C5orf63: variants seen among roughly 807,000 people sequenced by gnomAD.
C5orf63 encodes glutaredoxin-like protein C5orf63.
A neutral mutation model predicts 13.3 loss-of-function variants in C5orf63; 18 were observed. The ratio of observed to expected loss-of-function variants is 1.36; its 90% CI spans 0.94 to 2.01. C5orf63 has a LOEUF of 2.01. Ranked by LOEUF, C5orf63 falls within the 30% of genes most tolerant of loss-of-function variation. The probability of loss-of-function intolerance (pLI) is 0.00; values close to 1 mark genes in which losing one functional copy is unlikely to be tolerated. For synonymous variants in C5orf63, 38 were observed against 44.7 expected, an observed-to-expected ratio of 0.85 and a Z score of 0.60; for missense variants, 118 against 127.7, an observed-to-expected ratio of 0.92 and a Z score of 0.36.
At chr5:127,047,020 T>G (rs1753534841), downstream of C5orf63, 1 of 152,244 alleles carries the variant, frequency 6.6e-6, no homozygotes. Context: ...ATGAGATTGC[T>G]GCATTATTTA....
In C5orf63 at chr5:127,056,331, A is replaced by C. The variant is rs182923507; in HGVS notation, c.114+2551T>G. The C allele has an allele frequency of 6.6e-5, 10 of 152,474 alleles. No homozygotes were observed. The East Asian group carries it at 1.9e-3, about 29-fold the overall frequency. The allele number at this position is 152,474 out of a possible 1,614,324, so 9.4% of individuals were successfully genotyped here. On this transcript the variant is annotated intron_variant, in intron 3 of 4. Transcript: ENST00000296662. ...ATCCATGATGAATTAGTCCGTTTTC[A>C]TGCTGCTGATAAATATATACCCAAG... is the stretch of plus-strand genomic sequence containing the variant.
chr5:127,054,753 A>T (rs1269247750), intron 3 of C5orf63, among the ~76,000 whole-genome samples: 3 of 152,172 alleles, frequency 2.0e-5, no homozygotes, highest in East Asian at 1.9e-4. Flanking sequence ...AGATCCAGTT[A>T]GCCTATTTTG....
chr5:127,060,031 G>T (rs553301805), intron 2 of C5orf63, among the ~76,000 whole-genome samples: 1 of 151,882 alleles, frequency 6.6e-6, no homozygotes, highest in African/African-American at 2.4e-5. Flanking sequence ...CCAGCTACTC[G>T]GGAGGCTGAG....
At chr5:127,061,570 T>C (rs2126893027) in intron 2 of C5orf63, among the ~76,000 whole-genome samples, 1 of 152,354 alleles carries the variant, frequency 6.6e-6, no homozygotes, top group African/African-American at 2.4e-5. Flanking sequence ...TTTCATAACA[T>C]TCTGTGCTAC....
downstream of C5orf63, among the ~76,000 whole-genome samples, chr5:127,049,601 A>G (rs1753607849): frequency 6.6e-6 from 1 of 152,222 alleles, no homozygotes; most frequent in South Asian, 2.1e-4. Context: ...TCTCAAAGAC[A>G]AGGACTATGA....
chr5:127,047,692 CA>C, downstream of C5orf63: 1 of 703,586 alleles, frequency 1.4e-6, no homozygotes. Flanking sequence ...ATAAAAACAA[CA>C]GGTCATATCA....
At chr5:127,057,264 T>C (rs941259341) in intron 3 of C5orf63, among the ~76,000 whole-genome samples, 2 of 152,186 alleles carry the variant, frequency 1.3e-5, no homozygotes, top group African/African-American at 4.8e-5. Context: ...AACTTTGTTA[T>C]TAAATAACTG....
At position 127,051,356 on chromosome 5, in the gene C5orf63, T is replaced by C; in HGVS notation, c.*415A>G. The C allele has an allele frequency of 8.1e-7, 1 of 1,231,842 alleles. No homozygotes were observed. The highest frequency in any genetic ancestry group is 1.0e-6 in the Non-Finnish European group (1 of 987,994). 76.3% of individuals were successfully genotyped at this position (1,231,842 alleles called of 1,614,324 possible). A position where few individuals can be genotyped will look rare whatever the true frequency, so the allele number is the denominator to read the frequency against. On this transcript the variant is annotated 3_prime_UTR_variant, in exon 5 of 5. Coordinates refer to ENST00000296662, the MANE Select transcript of C5orf63 (RefSeq NM_001164478.2). The stretch of plus-strand genomic sequence containing the variant: ...CGTGCACAGTTATTAACAATTCACA[T>C]TTCACTTTATCTACTGAGTGGAAGA...
chr5:127,052,048 C>T (rs1753696932), intron 4 of C5orf63, 101 bp from the exon 5 acceptor site: 2 of 986,660 alleles, frequency 2.0e-6, no homozygotes, highest in African/African-American at 3.3e-5. Context: ...TGCCATTTTC[C>T]TTATAGTTGT....
chr5:127,071,408 C>A (rs573812185), intron 2 of C5orf63, among the ~76,000 whole-genome samples, 176 bp downstream of exon 2: 1 of 152,242 alleles, frequency 6.6e-6, no homozygotes, highest in East Asian at 1.9e-4. Context: ...TCCTGTTCTC[C>A]GTGGCTGTAC....
In C5orf63 at chr5:127,052,662, C is replaced by A; in HGVS notation, c.122G>T (p.Cys41Phe). Residue 41 changes from cysteine to phenylalanine, a missense_variant, in exon 4 of 5, where the codon TGC (cysteine) becomes TTC (phenylalanine). Coordinates refer to ENST00000296662, the MANE Select transcript of C5orf63 (RefSeq NM_001164478.2). ...PVLTLFTKDP[C>F]PLCDEAKEVL... ...TTCCTTGGCTTCATCACAAAGGGGGCATGGGTCCTACAGGAAGAAAAAAAA... is the reference window on the plus strand; with the variant it reads ...TTCCTTGGCTTCATCACAAAGGGGGAATGGGTCCTACAGGAAGAAAAAAAA... The A allele has an allele frequency of 6.6e-7, 1 of 1,506,872 alleles. No individual in the cohort carries two copies. The highest frequency in any genetic ancestry group is 2.3e-5 in the Admixed American group (1 of 43,432). The allele number at this position is 1,506,872 out of a possible 1,614,324, so 93.3% of individuals were successfully genotyped here.
intron 1 of C5orf63, among the ~76,000 whole-genome samples, chr5:127,072,359 C>T (rs953699692): frequency 3.3e-5 from 5 of 152,162 alleles, no homozygotes; most frequent in Non-Finnish European, 7.3e-5. Flanking sequence ...TAATGCACCC[C>T]AATGTATACA....
At position 127,051,857 on chromosome 5, in the gene C5orf63, C is replaced by T; in HGVS notation, c.262G>A (p.Gly88Ser). 6.5e-7 allele frequency: 1 copy of T among 1,535,764 alleles called. No individual in the cohort carries two copies. Among genetic ancestry groups the T allele is most frequent in the Non-Finnish European group, 8.7e-7 (1 of 1,146,174 alleles). ...KFDIPVFHLN[G>S]QFLMMHRVNT... is the part of the protein sequence containing the mutation. Reference sequence around the variant, plus strand: ...ACTCGATGCATCATCAGAAACTGGCCATTCAAGTGAAAGACAGGAATATCA... The same window carrying T: ...ACTCGATGCATCATCAGAAACTGGCTATTCAAGTGAAAGACAGGAATATCA... Residue 88 changes from glycine (G) to serine (S), a missense_variant, in exon 5 of 5, where the codon GGC becomes AGC. Gly to Ser is a moderately conservative substitution (Grantham distance 56, BLOSUM62 0). Transcript: ENST00000296662.
At chr5:127,049,134 T>C (rs9918190), downstream of C5orf63, among the ~76,000 whole-genome samples, 5,331 of 152,032 alleles carry the variant, frequency 0.035, 284 homozygotes, top group African/African-American at 0.12. Flanking sequence ...CAGGCTGGGG[T>C]AGGGAGGCCA....
downstream of C5orf63, among the ~76,000 whole-genome samples, chr5:127,048,246 GACACACACACACACACACACAC>G (rs71822352): frequency 1.5e-5 from 2 of 134,684 alleles, no homozygotes; most frequent in African/African-American, 2.8e-5. Context: ...GGTCCATGAG[GACACACACACACACACACACAC>G]ACACACACAC....
At chr5:127,043,034 G>C (rs1753440329), downstream of C5orf63, 1 of 152,126 alleles carries the variant, frequency 6.6e-6, no homozygotes, top group African/African-American at 2.4e-5. Context: ...GGACAATTTA[G>C]TTAGAATGAC....
At chr5:127,044,642 T>C (rs1414124930), downstream of C5orf63, 9 of 152,110 alleles carry the variant, frequency 5.9e-5, no homozygotes, top group Admixed American at 2.6e-4. Context: ...GGTGCGCATA[T>C]CTGTGGACTA....
chr5:127,045,589 G>A (rs1753505014), exon 5 of C5orf63: 1 of 152,172 alleles, frequency 6.6e-6, no homozygotes, highest in Non-Finnish European at 1.5e-5. Context: ...ATGCATATAA[G>A]TGACAGGTTC....
rs1164095893 is a variant in C5orf63, at chr5:127,058,881, C to T, written c.114+1G>A. 1 of 1,522,918 alleles carries T rather than the reference C, an allele frequency of 6.6e-7. No individual in the cohort carries two copies. Among genetic ancestry groups the T allele is most frequent in the Admixed American group, 2.0e-5 (1 of 50,516 alleles). 94.3% of individuals were successfully genotyped at this position (1,522,918 alleles called of 1,614,324 possible). On this transcript the variant is annotated splice_donor_variant, in intron 3 of 4. Coordinates refer to ENST00000296662, the MANE Select transcript of C5orf63 (RefSeq NM_001164478.2). LOFTEE classifies it high-confidence loss of function. ...AACAATTTTACTTTTTCACTTTGTA[C>T]CTTTGTGAATAAGGTCAACACAGGC... is the stretch of plus-strand genomic sequence containing the variant.
Sources: allele counts gnomAD v4.1 joint callset (sites outside exome capture counted in the v4.1 genomes callset), GRCh38; gene constraint gnomAD v4.1.1; transcripts MANE v1.5; gene names NCBI Gene and HGNC (gene_info 2026-07-23, HGNC 2026-07-21).